The following PCDHGB6 variants were observed in gnomAD, a reference collection of about 807,000 sequenced individuals.
PCDHGB6 encodes protocadherin gamma-B6.
A neutral mutation model predicts 59.1 loss-of-function variants in PCDHGB6; 51 were observed. The ratio of observed to expected loss-of-function variants is 0.86; its 90% CI spans 0.69 to 1.09. PCDHGB6 has a LOEUF of 1.09. Ranked by LOEUF, PCDHGB6 falls within the 50% of genes least tolerant of loss-of-function variation. The probability of loss-of-function intolerance (pLI) is 0.00; values close to 1 mark genes in which losing one functional copy is unlikely to be tolerated. For synonymous variants in PCDHGB6, 466 were observed against 495.1 expected (o/e 0.94, Z 0.78); for missense variants, 1,148 against 1,205.1 (o/e 0.95, Z 0.70).
chr5:141,466,510 A>AT (rs1222513096), intron 1 of PCDHGB6, among the ~76,000 whole-genome samples: 1 of 151,938 alleles, frequency 6.6e-6, no homozygotes, highest in African/African-American at 2.4e-5. Context: ...AGACAAGATC[A>AT]TTTTTTTTCC....
intron 1 of PCDHGB6, chr5:141,433,257 G>T: frequency 7.2e-7 from 1 of 1,385,416 alleles, no homozygotes; most frequent in Non-Finnish European, 9.9e-7. Context: ...GCAGCGGTAC[G>T]ATCATAGCTC....
chr5:141,425,585 A>T (rs1270579511), intron 1 of PCDHGB6, among the ~76,000 whole-genome samples: 1 of 152,252 alleles, frequency 6.6e-6, no homozygotes, highest in Non-Finnish European at 1.5e-5. Context: ...GGCTAACTTT[A>T]TTCTGAATAT....
chr5:141,481,724 C>T (rs1301509633), intron 1 of PCDHGB6, among the ~76,000 whole-genome samples: 2 of 151,882 alleles, frequency 1.3e-5, no homozygotes. Context: ...GAGGCGGAGG[C>T]GGGCGGATCA....
intron 1 of PCDHGB6, among the ~76,000 whole-genome samples, chr5:141,483,294 T>G (rs1392406131): frequency 2.0e-5 from 3 of 152,100 alleles, no homozygotes; most frequent in Non-Finnish European, 4.4e-5. Flanking sequence ...CAGTCATAAG[T>G]GAAGGGACTG....
At chr5:141,500,929 C>T (rs1347340945) in intron 2 of PCDHGB6, among the ~76,000 whole-genome samples, 2 of 151,210 alleles carry the variant, frequency 1.3e-5, no homozygotes, top group South Asian at 2.1e-4. Flanking sequence ...GGTGCAGTGG[C>T]GCCATCTCGG....
intron 2 of PCDHGB6, among the ~76,000 whole-genome samples, chr5:141,502,478 A>G (rs2099814452): frequency 6.6e-6 from 1 of 150,896 alleles, no homozygotes; most frequent in Non-Finnish European, 1.5e-5. Flanking sequence ...CCGCAGCATC[A>G]CACTGGGACT....
intron 2 of PCDHGB6, among the ~76,000 whole-genome samples, chr5:141,505,177 A>T (rs917485235): frequency 6.6e-6 from 1 of 152,180 alleles, no homozygotes. Context: ...AAAAGAAAAA[A>T]GCATCGGAGG....
chr5:141,416,759 C>T (rs1045872662), intron 1 of PCDHGB6: 2 of 152,130 alleles, frequency 1.3e-5, no homozygotes, highest in African/African-American at 4.8e-5. Flanking sequence ...TTAGGTAGAT[C>T]TCTTAATTTT....
intron 1 of PCDHGB6, chr5:141,441,728 G>T: frequency 2.8e-6 from 1 of 361,966 alleles, no homozygotes. Flanking sequence ...CCCGCGACCA[G>T]GACTAGCTCG....
In PCDHGB6 at chr5:141,489,993, C is replaced by T. The variant is rs1413894892; in HGVS notation, c.2419-4814C>T. 18 of 1,614,186 alleles carry T rather than the reference C, an allele frequency of 1.1e-5. No individual in the cohort carries two copies. The highest frequency in any genetic ancestry group is 1.5e-5 in the Non-Finnish European group (18 of 1,179,990). On this transcript the variant is annotated intron_variant, in intron 1 of 3. Transcript: ENST00000520790. The surrounding 1 kb of genome is among the most constrained non-coding windows in gnomAD (Gnocchi z 4.5). ...AATCCTCAGTTCTACGTGTGGGAAT[C>T]CCAGAGAATGCACCCATTGGTACTC...
At chr5:141,482,876 AGCCTG>A (rs2099574018) in intron 1 of PCDHGB6, among the ~76,000 whole-genome samples, 1 of 152,142 alleles carries the variant, frequency 6.6e-6, no homozygotes, top group Admixed American at 6.5e-5. Flanking sequence ...GTTTGAAACC[AGCCTG>A]GCCAACATGG....
At chr5:141,414,409 A>AG in intron 1 of PCDHGB6, 1 of 1,613,870 alleles carries the variant, frequency 6.2e-7, no homozygotes. Flanking sequence ...GGTGATACAC[A>AG]GAGCCCTTGA....
rs917165100 is a variant in PCDHGB6, at chr5:141,442,878, C to T, written c.2418+32258C>T. Among the ~76,000 whole-genome samples, 6 of 152,178 alleles carry T rather than the reference C, an allele frequency of 3.9e-5. No homozygotes were observed. In the South Asian group the frequency reaches 8.3e-4, roughly 21 times the overall value. The stretch of plus-strand genomic sequence containing the variant: ...GTATGAGAGATGTAAATTTACAACT[C>T]AGAATCCCTGCTTATCACTTCTCCT... On this transcript the variant is annotated intron_variant, in intron 1 of 3. Coordinates refer to ENST00000520790, the MANE Select transcript of PCDHGB6 (RefSeq NM_018926.3).
At chr5:141,450,792 G>T (rs1222162745) in intron 1 of PCDHGB6, among the ~76,000 whole-genome samples, 2 of 149,686 alleles carry the variant, frequency 1.3e-5, no homozygotes, top group Non-Finnish European at 3.0e-5. Context: ...CGGACCTCAT[G>T]ATTGTATTTA....
At position 141,485,662 on chromosome 5, in the gene PCDHGB6, G is replaced by T. The variant is rs778404230; in HGVS notation, c.2419-9145G>T. ...AAAAGGCTCAGGATGCAGATGTGGG[G>T]AGCAATTCGATTAGCAGCTATAGGC... On this transcript the variant is annotated intron_variant, in intron 1 of 3. Coordinates refer to ENST00000520790, the MANE Select transcript of PCDHGB6 (RefSeq NM_018926.3). This position sits in a 1 kb window ranked among gnomAD's most constrained non-coding sequence, Gnocchi z 5.7. The T allele has an allele frequency of 1.1e-5, 18 of 1,612,748 alleles. No individual in the cohort carries two copies. The South Asian group carries it at 1.9e-4, about 17-fold the overall frequency.
chr5:141,511,140 C>T lies in PCDHGB6; in HGVS notation c.2760C>T (p.Asn920=). Reference sequence around the variant, plus strand: ...AGGCCCCAGCAGGTGGCAATGGCAACAAGAAGAAGTCGGGCAAGAAGGAGA... The same window carrying T: ...AGGCCCCAGCAGGTGGCAATGGCAATAAGAAGAAGTCGGGCAAGAAGGAGA... ...DGKAPAGGNG[N]KKKSGKKEKK is the part of the protein sequence containing the mutation. Residue 920 remains asparagine (N), a synonymous_variant, in exon 4 of 4, where the codon AAC becomes AAT. Transcript: ENST00000520790. The T allele has an allele frequency of 1.2e-6, 2 of 1,614,186 alleles. No homozygotes were observed. The highest frequency in any genetic ancestry group is 1.3e-5 in the African/African-American group (1 of 75,050).
rs999463482 is a variant in PCDHGB6, at chr5:141,506,400, T to C, written c.2566+919T>C. ...GGAGGTGGCTGTGGTGAGCAGAAAATCGCACCACTGCACTCCAGCCTGGGC... is the reference window on the plus strand; with the variant it reads ...GGAGGTGGCTGTGGTGAGCAGAAAACCGCACCACTGCACTCCAGCCTGGGC... On this transcript the variant is annotated intron_variant, in intron 3 of 3. Coordinates refer to ENST00000520790, the MANE Select transcript of PCDHGB6 (RefSeq NM_018926.3). 1.2e-4 allele frequency among the ~76,000 whole-genome samples: 16 copies of C among 135,754 alleles called. No homozygotes were observed. In the Admixed American group the frequency reaches 1.3e-3, roughly 11 times the overall value. The allele number at this position is 135,754 out of a possible 152,430, so 89.1% of individuals were successfully genotyped here.
At position 141,493,332 on chromosome 5, in the gene PCDHGB6, C is replaced by T. The variant is rs2099747680; in HGVS notation, c.2419-1475C>T. 6.6e-6 allele frequency among the ~76,000 whole-genome samples: 1 copy of T among 152,210 alleles called. No homozygotes were observed. The highest frequency in any genetic ancestry group is 1.5e-5 in the Non-Finnish European group (1 of 68,036). Reference sequence around the variant, plus strand: ...AAGAGAGATTCTAACCCCTGTCTAACTCCAGAATGTGTGCTTTTAATTTCT... The same window carrying T: ...AAGAGAGATTCTAACCCCTGTCTAATTCCAGAATGTGTGCTTTTAATTTCT... On this transcript the variant is annotated intron_variant, in intron 1 of 3. Transcript: ENST00000520790. This position sits in a 1 kb window ranked among gnomAD's most constrained non-coding sequence, Gnocchi z 4.3.
intron 3 of PCDHGB6, among the ~76,000 whole-genome samples, chr5:141,506,621 G>A (rs143369587): frequency 1.3e-5 from 2 of 152,178 alleles, no homozygotes; most frequent in African/African-American, 4.8e-5. Flanking sequence ...GTGTTACCAG[G>A]GCCAAATGCA....
Sources: allele counts gnomAD v4.1 joint callset (sites outside exome capture counted in the v4.1 genomes callset), GRCh38; gene constraint gnomAD v4.1.1; non-coding constraint Gnocchi (gnomAD v3.1); transcripts MANE v1.5; gene names NCBI Gene and HGNC (gene_info 2026-07-23, HGNC 2026-07-21).